ADCYAP1R1: variants seen among roughly 807,000 people sequenced by gnomAD.
ADCYAP1R1 encodes the protein pituitary adenylate cyclase-activating polypeptide type I receptor.
ADCYAP1R1 carries 44 observed loss-of-function variants against 67.6 expected under a neutral mutation model. The observed-to-expected ratio is 0.65, with a 90% CI of 0.51 to 0.84. The LOEUF is 0.84. Among genes scored for constraint, ADCYAP1R1 ranks in the 40% least tolerant of loss-of-function variants. The probability of loss-of-function intolerance (pLI) is 0.00; values close to 1 mark genes in which losing one functional copy is unlikely to be tolerated. For synonymous variants in ADCYAP1R1, 222 were observed against 219.6 expected (o/e 1.01, Z -0.10); for missense variants, 477 against 587.9 (o/e 0.81, Z 1.95).
chr7:31,058,141 G>A (rs1283660416), intron 1 of ADCYAP1R1, among the ~76,000 whole-genome samples: 7 of 152,342 alleles, frequency 4.6e-5, no homozygotes, highest in African/African-American at 1.7e-4. Flanking sequence ...TGGGCCAGAC[G>A]CTGGAGTGGG....
chr7:31,087,322 G>T (rs905555806), intron 11 of ADCYAP1R1, among the ~76,000 whole-genome samples: 1 of 152,228 alleles, frequency 6.6e-6, no homozygotes, highest in African/African-American at 2.4e-5. Context: ...CCTAAGAGCT[G>T]TAGGTCTTAT....
intron 1 of ADCYAP1R1, among the ~76,000 whole-genome samples, chr7:31,057,970 C>T (rs1321609338): frequency 6.6e-6 from 1 of 152,202 alleles, no homozygotes; most frequent in Non-Finnish European, 1.5e-5. Context: ...GCCCCAGCCC[C>T]ATGATGGGCA....
intron 14 of ADCYAP1R1, among the ~76,000 whole-genome samples, chr7:31,103,813 G>A (rs151146335): frequency 6.6e-6 from 1 of 152,314 alleles, no homozygotes; most frequent in African/African-American, 2.4e-5. Flanking sequence ...ATGAGTGAGT[G>A]GGGGGATGAG....
intron 6 of ADCYAP1R1, 32 bp from the exon 7 acceptor site, chr7:31,084,109 C>G (rs376729960): frequency 6.3e-7 from 1 of 1,588,166 alleles, no homozygotes; most frequent in Non-Finnish European, 8.6e-7. Context: ...TTAATCATTT[C>G]TGGGCCTCGC....
chr7:31,077,545 ATG>A (rs965924810), intron 3 of ADCYAP1R1, among the ~76,000 whole-genome samples: 4 of 95,022 alleles, frequency 4.2e-5, no homozygotes, highest in South Asian at 3.6e-4. Context: ...GGTGTGTGTA[ATG>A]TGTGTGTGGT....
intron 12 of ADCYAP1R1, among the ~76,000 whole-genome samples, chr7:31,091,272 T>C (rs111281533): frequency 0.013 from 2,046 of 152,336 alleles, 48 homozygotes; most frequent in African/African-American, 0.047. Context: ...AGATTATTTG[T>C]CTTTTGCTTT....
intron 1 of ADCYAP1R1, among the ~76,000 whole-genome samples, chr7:31,058,720 C>T (rs1004433254): frequency 1.3e-5 from 2 of 152,092 alleles, no homozygotes; most frequent in Admixed American, 6.6e-5. Context: ...CCTGACCAGC[C>T]CCTGGAGGTG....
chr7:31,063,422 G>A, intron 2 of ADCYAP1R1, 107 bp downstream of exon 2: 3 of 1,313,528 alleles, frequency 2.3e-6, no homozygotes, highest in Non-Finnish European at 2.2e-6. Context: ...CATCTGGCTG[G>A]TATTTCTGCC....
intron 13 of ADCYAP1R1, among the ~76,000 whole-genome samples, chr7:31,100,803 C>T (rs909506433): frequency 3.3e-5 from 5 of 152,200 alleles, no homozygotes; most frequent in Admixed American, 2.0e-4. Flanking sequence ...CTAAGCACTT[C>T]GCCCCAAGGA....
At chr7:31,084,358 A>T in intron 7 of ADCYAP1R1, 108 bp downstream of exon 7, 1 of 847,284 alleles carries the variant, frequency 1.2e-6, no homozygotes, top group Non-Finnish European at 1.9e-6. Context: ...AGCAACTGGG[A>T]TGCTGCCTAC....
At chr7:31,060,613 A>G (rs1361233396) in intron 1 of ADCYAP1R1, among the ~76,000 whole-genome samples, 3 of 151,678 alleles carry the variant, frequency 2.0e-5, no homozygotes, top group Non-Finnish European at 4.4e-5. Context: ...CTGGGGATAA[A>G]TGTCTCTCTT....
At chr7:31,069,212 T>A (rs1794871421) in intron 3 of ADCYAP1R1, among the ~76,000 whole-genome samples, 1 of 152,168 alleles carries the variant, frequency 6.6e-6, no homozygotes, top group Non-Finnish European at 1.5e-5. Context: ...AGGGCCCAGA[T>A]AAACCAGGCT....
Position 31,092,696 on chromosome 7 carries a change from A to G in ADCYAP1R1, c.1007A>G (p.Gln336Arg), listed in dbSNP as rs745964908. Residue 336 changes from glutamine to arginine, a missense_variant, in exon 13 of 16, where the codon CAG (glutamine) becomes CGG (arginine). Gln to Arg is a conservative substitution (Grantham distance 43, BLOSUM62 1). Coordinates refer to ENST00000304166, the MANE Select transcript of ADCYAP1R1 (RefSeq NM_001118.5). ...GIIVILVQKL[Q>R]SPDMGGNESS... ...ATCGTCATCCTTGTGCAGAAACTTC[A>G]GTCTCCAGACATGGGAGGCAATGAG... 1.7e-5 allele frequency: 28 copies of G among 1,612,704 alleles called. No homozygotes were observed. Among genetic ancestry groups the G allele is most frequent in the Non-Finnish European group, 2.1e-5 (25 of 1,179,878 alleles).
intron 12 of ADCYAP1R1, 82 bp downstream of exon 12, chr7:31,087,778 C>T: frequency 2.7e-6 from 3 of 1,094,070 alleles, no homozygotes; most frequent in Non-Finnish European, 4.1e-6. Context: ...ATGAAAGAGT[C>T]CCCACACAAC....
intron 12 of ADCYAP1R1, 81 bp from the exon 13 acceptor site, chr7:31,092,563 T>A: frequency 9.5e-7 from 1 of 1,056,022 alleles, no homozygotes; most frequent in South Asian, 1.3e-5. Flanking sequence ...CTTGACTAGG[T>A]GGGGGAGGGT....
At chr7:31,078,348 A>G (rs565983817) in intron 4 of ADCYAP1R1, among the ~76,000 whole-genome samples, 2 of 151,976 alleles carry the variant, frequency 1.3e-5, no homozygotes, top group African/African-American at 4.8e-5. Flanking sequence ...GCTGTCACTC[A>G]CCCTCCAGCC....
Position 31,102,851 on chromosome 7 carries a change from T to C in ADCYAP1R1, c.1047-386T>C, listed in dbSNP as rs1315385710. ...CTTCTTTCAGGCACAAAGAGCTTTC[T>C]TCCAGAACAGGAGAGCGGCTGCTCT... On this transcript the variant is annotated intron_variant, in intron 13 of 15. Coordinates refer to ENST00000304166, the MANE Select transcript of ADCYAP1R1 (RefSeq NM_001118.5). This position sits in a 1 kb window ranked among gnomAD's most constrained non-coding sequence, Gnocchi z 4.3. Among the ~76,000 whole-genome samples the C allele has an allele frequency of 6.6e-6, 1 of 152,200 alleles. No homozygotes were observed. The highest frequency in any genetic ancestry group is 1.5e-5 in the Non-Finnish European group (1 of 68,028).
chr7:31,076,226 G>A (rs1346092030), intron 3 of ADCYAP1R1, among the ~76,000 whole-genome samples: 1 of 152,208 alleles, frequency 6.6e-6, no homozygotes. Context: ...ATTCGGTCAG[G>A]GCCGCTGGGC....
chr7:31,097,820 G>A (rs996068766), intron 13 of ADCYAP1R1, among the ~76,000 whole-genome samples: 1 of 152,128 alleles, frequency 6.6e-6, no homozygotes, highest in Non-Finnish European at 1.5e-5. Context: ...CAGTTGGGGG[G>A]GGGTCTCCTG....
Sources: allele counts gnomAD v4.1 joint callset (sites outside exome capture counted in the v4.1 genomes callset), GRCh38; gene constraint gnomAD v4.1.1; non-coding constraint Gnocchi (gnomAD v3.1); transcripts MANE v1.5; gene names NCBI Gene and HGNC (gene_info 2026-07-23, HGNC 2026-07-21).